The following CLIC2 variants were observed in gnomAD, a reference collection of about 807,000 sequenced individuals.
CLIC2 encodes chloride intracellular channel protein 2.
A neutral mutation model predicts 14.8 loss-of-function variants in CLIC2; 9 were observed. The observed-to-expected ratio is 0.61, with a 90% CI of 0.37 to 1.06. CLIC2 has a LOEUF of 1.06. Ranked by LOEUF, CLIC2 falls within the 50% of genes least tolerant of loss-of-function variation. CLIC2 has a pLI of 0.01. For synonymous variants in CLIC2, 61 were observed against 66.3 expected, an observed-to-expected ratio of 0.92 and a Z score of 0.39; for missense variants, 148 against 181.4, an observed-to-expected ratio of 0.82 and a Z score of 1.06.
intron 1 of CLIC2, among the ~76,000 whole-genome samples, chrX:155,320,318 G>T (rs2075109829): frequency 8.9e-6 from 1 of 111,997 alleles, no homozygotes; most frequent in Non-Finnish European, 1.9e-5. Flanking sequence ...GCTCCAGCTG[G>T]CATCTGGCAG....
chrX:155,334,222 C>T (rs1471451309), intron 1 of CLIC2, 149 bp downstream of exon 1: 2 of 510,462 alleles, frequency 3.9e-6, no homozygotes, highest in Non-Finnish European at 7.0e-6. Context: ...GTCACACACC[C>T]GGGCATTCTT....
rs185113704 is a variant in CLIC2 at position 155,329,942 on chromosome X, G to C, written c.57+4429C>G. Among the ~76,000 whole-genome samples the C allele has an allele frequency of 6.1e-4, 68 of 111,362 alleles. 1 individual carries two copies. Among genetic ancestry groups the C allele is most frequent in the African/African-American group, 2.0e-3 (62 of 30,778 alleles). On this transcript the variant is annotated intron_variant, in intron 1 of 5. Transcript: ENST00000369449. ...ACATAAAATAAGCCAGGCACAGAAA[G>C]ACAAACTTCACGTGTTCTCACTTAT...
rs782104489 is a variant in CLIC2, at chrX:155,293,538, G to GA, written c.293+5246dup. On this transcript the variant is annotated intron_variant, in intron 3 of 5. Transcript: ENST00000369449. ...AAACAAAGAATATACAAAACAACCA[G>GA]AAAAAAATAACAAAATGACAGAAAT... 1.4e-4 allele frequency: 60 copies of GA among 440,675 alleles called. 1 individual carries two copies. The South Asian group carries it at 1.7e-3, about 12-fold the overall frequency. 36.3% of individuals were successfully genotyped at this position (440,675 alleles called of 1,213,427 possible).
At position 155,294,006 on chromosome X, in the gene CLIC2, G is replaced by C. The variant is rs781930992; in HGVS notation, c.293+4779C>G. 1.3e-3 allele frequency among the ~76,000 whole-genome samples: 140 copies of C among 111,704 alleles called. 1 individual carries two copies. The highest frequency in any genetic ancestry group is 3.8e-3 in the African/African-American group (118 of 30,771). On this transcript the variant is annotated intron_variant, in intron 3 of 5. Coordinates refer to ENST00000369449, the MANE Select transcript of CLIC2 (RefSeq NM_001289.6). ...CTGTCAACATTAGATAGATAATCTA[G>C]ACAGAAAATCAACAAATAAACATTA...
intron 1 of CLIC2, among the ~76,000 whole-genome samples, chrX:155,317,764 A>G (rs1462949248): frequency 4.5e-5 from 5 of 111,827 alleles, no homozygotes; most frequent in Non-Finnish European, 9.4e-5. Flanking sequence ...AAAGAAAACT[A>G]CAGACCAATA....
chrX:155,284,945 T>C (rs1465438050), intron 3 of CLIC2, among the ~76,000 whole-genome samples: 1 of 112,321 alleles, frequency 8.9e-6, no homozygotes, highest in Non-Finnish European at 1.9e-5. Context: ...ATTCATTAAG[T>C]GTTCTCCTGG....
At chrX:155,290,632 C>CT in intron 3 of CLIC2, 1 of 933,731 alleles carries the variant, frequency 1.1e-6, no homozygotes, top group Non-Finnish European at 1.6e-6. Context: ...ACTATGGACT[C>CT]TAAATAGTCT....
intron 1 of CLIC2, among the ~76,000 whole-genome samples, chrX:155,322,013 A>G (rs1557321722): frequency 8.9e-6 from 1 of 111,841 alleles, no homozygotes; most frequent in South Asian, 3.7e-4. Flanking sequence ...AGAGCTAACT[A>G]TCCTAAATAT....
chrX:155,303,671 A>T (rs2075031047), intron 1 of CLIC2, among the ~76,000 whole-genome samples: 1 of 43,542 alleles, frequency 2.3e-5, no homozygotes, highest in African/African-American at 7.2e-5. Context: ...GTTTCTTCCT[A>T]GTCTCGATGG....
At chrX:155,288,804 C>T (rs1463698037) in intron 3 of CLIC2, among the ~76,000 whole-genome samples, 1 of 111,680 alleles carries the variant, frequency 9.0e-6, no homozygotes, top group East Asian at 2.8e-4. Flanking sequence ...TACTTGAACA[C>T]AAATTTCTGA....
At chrX:155,316,095 A>G (rs781941085) in intron 1 of CLIC2, among the ~76,000 whole-genome samples, 1 of 111,663 alleles carries the variant, frequency 9.0e-6, no homozygotes, top group East Asian at 2.8e-4. Context: ...ACCTAACACC[A>G]GAGCTCCTGA....
At chrX:155,287,526 G>A (rs782748235) in intron 3 of CLIC2, among the ~76,000 whole-genome samples, 6 of 110,623 alleles carry the variant, frequency 5.4e-5, no homozygotes, top group Admixed American at 9.7e-5. Context: ...TAGAGATGGG[G>A]TTTCACCATG....
intron 5 of CLIC2, 80 bp downstream of exon 5, chrX:155,279,069 C>A: frequency 1.4e-6 from 1 of 734,055 alleles, no homozygotes; most frequent in Non-Finnish European, 2.2e-6. Context: ...ATAATAATAC[C>A]GCACTGGAAG....
rs1569561159 is a variant in CLIC2 at position 155,276,460 on chromosome X, A to G, written c.*1443T>C. On this transcript the variant is annotated 3_prime_UTR_variant, in exon 6 of 6. Transcript: ENST00000369449. ...AGTCACCCTACTGTGGTGAATGCCA[A>G]AATTTATTCTTCCTAGGTGTAACTT... 8.9e-6 allele frequency: 1 copy of G among 111,738 alleles called. No individual in the cohort carries two copies. Among genetic ancestry groups the G allele is most frequent in the Non-Finnish European group, 1.9e-5 (1 of 53,038 alleles). The allele number at this position is 111,738 out of a possible 1,213,427, so 9.2% of individuals were successfully genotyped here.
At chrX:155,290,757 T>C in intron 3 of CLIC2, 1 of 648,781 alleles carries the variant, frequency 1.5e-6, no homozygotes, top group South Asian at 2.2e-5. Flanking sequence ...TATAATTTCA[T>C]TTTTTATGTT....
intron 3 of CLIC2, among the ~76,000 whole-genome samples, chrX:155,297,734 G>C (rs2074997593): frequency 1.0e-5 from 1 of 100,423 alleles, no homozygotes; most frequent in African/African-American, 3.6e-5. Context: ...GGCATCTGTA[G>C]TCCCAGCTAC....
chrX:155,297,609 G>A (rs1362117740), intron 3 of CLIC2, among the ~76,000 whole-genome samples: 2 of 103,025 alleles, frequency 1.9e-5, no homozygotes, highest in East Asian at 3.1e-4. Context: ...TTGGGAGGCC[G>A]AGGCCGGTGG....
chrX:155,284,110 C>T (rs2074931123), intron 3 of CLIC2, among the ~76,000 whole-genome samples: 1 of 111,191 alleles, frequency 9.0e-6, no homozygotes, highest in Non-Finnish European at 1.9e-5. Flanking sequence ...GAATTGAGAG[C>T]CTAGTCTTCT....
chrX:155,300,426 T>C (rs1557318911), intron 1 of CLIC2, among the ~76,000 whole-genome samples: 1 of 111,650 alleles, frequency 9.0e-6, no homozygotes, highest in African/African-American at 3.3e-5. Flanking sequence ...ATGGGGTTGT[T>C]TGTTTTCCTC....
Sources: allele counts gnomAD v4.1 joint callset (sites outside exome capture counted in the v4.1 genomes callset), GRCh38; gene constraint gnomAD v4.1.1; transcripts MANE v1.5; gene names NCBI Gene and HGNC (gene_info 2026-07-23, HGNC 2026-07-21).